The following ADAMTSL1 variants were observed in gnomAD, a reference collection of about 807,000 sequenced individuals.
ADAMTSL1 encodes the protein ADAMTS-like protein 1.
A neutral mutation model predicts 201.8 loss-of-function variants in ADAMTSL1; 126 were observed. The observed-to-expected ratio is 0.62, with a 90% CI of 0.54 to 0.72. The LOEUF (loss-of-function observed/expected upper bound fraction) is 0.72, where lower values mean the gene tolerates loss of function less well. ADAMTSL1 is among the 30% of genes least tolerant of loss of function. The pLI is 0.00. For missense variants in ADAMTSL1, 2,679 were observed against 2,277.8 expected, an observed-to-expected ratio of 1.18 and a Z score of -3.59; for synonymous variants, 1,121 against 903.4, an observed-to-expected ratio of 1.24 and a Z score of -4.32.
intron 1 of ADAMTSL1, among the ~76,000 whole-genome samples, chr9:18,057,842 A>T (rs999610219): frequency 4.6e-5 from 7 of 152,166 alleles, no homozygotes; most frequent in African/African-American, 1.7e-4. Flanking sequence ...TAATGTCACT[A>T]TTTGAAGCTG....
intron 2 of ADAMTSL1, among the ~76,000 whole-genome samples, chr9:18,287,985 T>G (rs1343818015): frequency 2.0e-5 from 3 of 152,092 alleles, no homozygotes; most frequent in Non-Finnish European, 4.4e-5. Context: ...CTAAAGTGTA[T>G]TGAGATTGAG....
chr9:18,226,802 T>G (rs1286547905), intron 2 of ADAMTSL1, among the ~76,000 whole-genome samples: 2 of 152,182 alleles, frequency 1.3e-5, no homozygotes, highest in African/African-American at 2.4e-5. Context: ...AATGTTTTAT[T>G]TTAATGAATT....
At chr9:18,269,168 G>A (rs1832255849) in intron 2 of ADAMTSL1, among the ~76,000 whole-genome samples, 1 of 152,018 alleles carries the variant, frequency 6.6e-6, no homozygotes, top group South Asian at 2.1e-4. Flanking sequence ...ATAAAGTAAT[G>A]TGATATATTA....
intron 23 of ADAMTSL1, among the ~76,000 whole-genome samples, chr9:18,861,070 A>G: frequency 6.6e-6 from 1 of 152,292 alleles, no homozygotes; most frequent in South Asian, 2.1e-4. Context: ...TCATATACAC[A>G]TCCCTCGTTA....
At chr9:18,163,103 G>A (rs1334597865) in intron 1 of ADAMTSL1, among the ~76,000 whole-genome samples, 2 of 151,998 alleles carry the variant, frequency 1.3e-5, no homozygotes, top group Non-Finnish European at 2.9e-5. Flanking sequence ...CCTCTCACCA[G>A]AGGTAGCTTG....
At position 18,524,667 on chromosome 9, in the gene ADAMTSL1, T is replaced by C. The variant is rs1818919662; in HGVS notation, c.192-8580T>C. The stretch of plus-strand genomic sequence containing the variant: ...TAGCATGAAGGGGTGTTGAATTTTA[T>C]TGAAGGCCTTTTCTGCATCTATTGA... On this transcript the variant is annotated intron_variant, in intron 2 of 28. Transcript: ENST00000380548. 2.0e-5 allele frequency among the ~76,000 whole-genome samples: 3 copies of C among 152,206 alleles called. No individual in the cohort carries two copies. The South Asian group carries it at 6.2e-4, about 32-fold the overall frequency.
At chr9:18,046,411 G>C (rs951061392) in intron 1 of ADAMTSL1, among the ~76,000 whole-genome samples, 3 of 152,134 alleles carry the variant, frequency 2.0e-5, no homozygotes, top group Non-Finnish European at 4.4e-5. Context: ...AGGAAGAAAA[G>C]TAAAGAGGCA....
chr9:18,058,030 A>G (rs1469903761), intron 1 of ADAMTSL1, among the ~76,000 whole-genome samples: 1 of 152,220 alleles, frequency 6.6e-6, no homozygotes, highest in African/African-American at 2.4e-5. Flanking sequence ...TTCCTTGTTC[A>G]TCATTGTATC....
At chr9:18,666,344 T>G (rs1157191053) in intron 9 of ADAMTSL1, among the ~76,000 whole-genome samples, 2 of 152,136 alleles carry the variant, frequency 1.3e-5, no homozygotes, top group Non-Finnish European at 2.9e-5. Flanking sequence ...TTAATGACTT[T>G]TAGATAAAAT....
At chr9:18,152,840 C>T (rs944239196) in intron 1 of ADAMTSL1, among the ~76,000 whole-genome samples, 11 of 151,980 alleles carry the variant, frequency 7.2e-5, no homozygotes, top group African/African-American at 2.4e-4. Flanking sequence ...CTTAGAAGTA[C>T]TTGAAGACAG....
intron 23 of ADAMTSL1, among the ~76,000 whole-genome samples, chr9:18,835,631 A>G (rs529993070): frequency 6.0e-4 from 91 of 152,222 alleles, no homozygotes; most frequent in African/African-American, 9.1e-4. Flanking sequence ...ATAGTACCCA[A>G]TAGTTTTTCA....
intron 1 of ADAMTSL1, among the ~76,000 whole-genome samples, chr9:18,060,678 G>A (rs1260968132): frequency 6.6e-6 from 1 of 152,090 alleles, no homozygotes; most frequent in Admixed American, 6.6e-5. Context: ...ACTGATTTTA[G>A]TCAGGTTAAC....
At chr9:18,261,746 T>C (rs1831932344) in intron 2 of ADAMTSL1, among the ~76,000 whole-genome samples, 1 of 152,194 alleles carries the variant, frequency 6.6e-6, no homozygotes, top group Non-Finnish European at 1.5e-5. Flanking sequence ...CTAACAGACC[T>C]TGTATTTACT....
At chr9:18,659,988 A>G (rs1828970029) in intron 8 of ADAMTSL1, among the ~76,000 whole-genome samples, 1 of 152,138 alleles carries the variant, frequency 6.6e-6, no homozygotes, top group Admixed American at 6.5e-5. Context: ...TAGAGCTGCT[A>G]TTAGAGTGTG....
chr9:18,817,915 G>A (rs1261322703), intron 21 of ADAMTSL1, among the ~76,000 whole-genome samples: 4 of 152,224 alleles, frequency 2.6e-5, no homozygotes, highest in Non-Finnish European at 5.9e-5. Flanking sequence ...AAGATAGCCA[G>A]TGGAGTTCTG....
intron 13 of ADAMTSL1, among the ~76,000 whole-genome samples, chr9:18,699,676 G>T (rs1831807465): frequency 6.6e-6 from 1 of 152,028 alleles, no homozygotes; most frequent in African/African-American, 2.4e-5. Context: ...AATTATTACT[G>T]GTTAGCAATA....
intron 15 of ADAMTSL1, among the ~76,000 whole-genome samples, chr9:18,744,596 T>C (rs1286137644): frequency 6.6e-6 from 1 of 152,268 alleles, no homozygotes; most frequent in Non-Finnish European, 1.5e-5. Context: ...TACCAGGCCC[T>C]GGGTTTCACC....
At chr9:18,252,590 A>G (rs942019321) in intron 2 of ADAMTSL1, among the ~76,000 whole-genome samples, 3 of 152,206 alleles carry the variant, frequency 2.0e-5, no homozygotes, top group Admixed American at 6.5e-5. Flanking sequence ...TGACAGGAAG[A>G]AAAAAGTCTA....
At chr9:18,842,564 C>T (rs557624931) in intron 23 of ADAMTSL1, among the ~76,000 whole-genome samples, 32 of 152,122 alleles carry the variant, frequency 2.1e-4, no homozygotes, top group Non-Finnish European at 4.4e-4. Flanking sequence ...CCGCTTGGTG[C>T]AGAGCTGAGT....
Sources: allele counts gnomAD v4.1 joint callset (sites outside exome capture counted in the v4.1 genomes callset), GRCh38; gene constraint gnomAD v4.1.1; transcripts MANE v1.5; gene names NCBI Gene and HGNC (gene_info 2026-07-23, HGNC 2026-07-21).